PPIB: variants seen among roughly 807,000 people sequenced by gnomAD.
The protein encoded by PPIB is peptidylprolyl isomerase B.
PPIB carries 15 observed loss-of-function variants against 20.1 expected under a neutral mutation model. The observed-to-expected ratio is 0.75, with a 90% CI of 0.50 to 1.15. The LOEUF is 1.15. Among genes scored for constraint, PPIB ranks in the 50% most tolerant of loss-of-function variants. PPIB has a pLI of 0.00. For synonymous variants in PPIB, 129 were observed against 111.0 expected, an observed-to-expected ratio of 1.16 and a Z score of -1.02; for missense variants, 278 against 283.0, an observed-to-expected ratio of 0.98 and a Z score of 0.13.
At position 64,156,920 on chromosome 15, in the gene PPIB, A is replaced by G. The variant is rs535376686; in HGVS notation, c.344-11T>C. ...CGTAGATGCTCTTTCCTGGGAAAAA[A>G]GACAGAGCAGGTCAGGGGCGCTGGA... On this transcript the variant is annotated splice_polypyrimidine_tract_variant and intron_variant, in intron 3 of 4. Coordinates refer to ENST00000300026, the MANE Select transcript of PPIB (RefSeq NM_000942.5). The surrounding 1 kb of genome is among the most constrained non-coding windows in gnomAD (Gnocchi z 6.4). 1 of 1,613,950 alleles carries G rather than the reference A, an allele frequency of 6.2e-7. No homozygotes were observed. The highest frequency in any genetic ancestry group is 8.5e-7 in the Non-Finnish European group (1 of 1,179,892).
chr15:64,157,211 C>T lies in PPIB; in HGVS notation c.344-302G>A. ...TGTTATCAGCTCCCCTTAGCTATGGCCCAGGCCTGCCACGGAGGGACTTTG... is the reference window on the plus strand; with the variant it reads ...TGTTATCAGCTCCCCTTAGCTATGGTCCAGGCCTGCCACGGAGGGACTTTG... On this transcript the variant is annotated intron_variant, in intron 3 of 4. Transcript: ENST00000300026. This position sits in a 1 kb window ranked among gnomAD's most constrained non-coding sequence, Gnocchi z 4.2. 2.3e-6 allele frequency: 1 copy of T among 431,372 alleles called. No individual in the cohort carries two copies. The highest frequency in any genetic ancestry group is 4.3e-6 in the Non-Finnish European group (1 of 234,374). The allele number at this position is 431,372 out of a possible 1,614,324, so 26.7% of individuals were successfully genotyped here. A position where few individuals can be genotyped will look rare whatever the true frequency, so the allele number is the denominator to read the frequency against.
rs1012915999 is a variant in PPIB, at chr15:64,159,796, T to C, written c.343+308A>G. The C allele has an allele frequency of 1.2e-5, 6 of 486,944 alleles. No individual in the cohort carries two copies. The highest frequency in any genetic ancestry group is 3.3e-5 in the Admixed American group (1 of 30,274). The allele number at this position is 486,944 out of a possible 1,614,324, so 30.2% of individuals were successfully genotyped here. A position where few individuals can be genotyped will look rare whatever the true frequency, so the allele number is the denominator to read the frequency against. On this transcript the variant is annotated intron_variant, in intron 3 of 4. Coordinates refer to ENST00000300026, the MANE Select transcript of PPIB (RefSeq NM_000942.5). The surrounding 1 kb of genome is among the most constrained non-coding windows in gnomAD (Gnocchi z 5.1). ...TGTCTTCACTTTGCTTCCACACGCC[T>C]CTCTCCCCAATCCCCATTCTGAAGA...
rs2081557062 is a variant in PPIB, at chr15:64,160,118, C to T, written c.329G>A (p.Gly110Glu). ...CCTGTGGTTACCTCCTGTGCCATCT[C>T]CCCTGGTGAAGTCTCCGCCCTGGAT... ...FMIQGGDFTR[G>E]DGTGGKSIYG... Residue 110 changes from glycine (G) to glutamate (E), a missense_variant, in exon 3 of 5, where the codon GGA (glycine) becomes GAA (glutamate). Gly to Glu is a moderately conservative substitution (Grantham distance 98, BLOSUM62 -2). Transcript: ENST00000300026. The surrounding 1 kb of genome is among the most constrained non-coding windows in gnomAD (Gnocchi z 4.8). 6.2e-7 allele frequency: 1 copy of T among 1,613,612 alleles called. No homozygotes were observed. The highest frequency in any genetic ancestry group is 8.5e-7 in the Non-Finnish European group (1 of 1,179,468).
Position 64,161,364 on chromosome 15 carries a change from C to T in PPIB, c.249+677G>A, listed in dbSNP as rs1390091115. Among the ~76,000 whole-genome samples, 3 of 151,952 alleles carry T rather than the reference C, an allele frequency of 2.0e-5. No individual in the cohort carries two copies. The highest frequency in any genetic ancestry group is 2.9e-5 in the Non-Finnish European group (2 of 67,982). ...ACATGGCTCACTGCAACCTCCATTT[C>T]ACTTCAGCCTCCTGAGTAGCTGTAG... On this transcript the variant is annotated intron_variant, in intron 2 of 4. Transcript: ENST00000300026. This position sits in a 1 kb window ranked among gnomAD's most constrained non-coding sequence, Gnocchi z 4.2.
rs2081562177 is a variant in PPIB at position 64,161,289 on chromosome 15, T to C, written c.249+752A>G. ...TTATTTTTAATTAATTTATTTTTTT[T>C]TTGAGACAGGGTCTCACTCTATTGC... On this transcript the variant is annotated intron_variant, in intron 2 of 4. Transcript: ENST00000300026. The surrounding 1 kb of genome is among the most constrained non-coding windows in gnomAD (Gnocchi z 4.2). 6.6e-6 allele frequency among the ~76,000 whole-genome samples: 1 copy of C among 151,978 alleles called. No individual in the cohort carries two copies. Among genetic ancestry groups the C allele is most frequent in the Non-Finnish European group, 1.5e-5 (1 of 67,994 alleles).
chr15:64,160,163 C>T lies in PPIB; in HGVS notation c.284G>A (p.Arg95His), dbSNP rs771584197. ...GFGYKNSKFH[R>H]VIKDFMIQGG... is the part of the protein sequence containing the mutation. ...CTGGATCATGAAGTCCTTGATTACA[C>T]GATGGAATTTGCTGTTTTTGTAGCC... Residue 95 changes from arginine (R) to histidine (H), a missense_variant, in exon 3 of 5, where the codon CGT becomes CAT. Transcript: ENST00000300026. This position sits in a 1 kb window ranked among gnomAD's most constrained non-coding sequence, Gnocchi z 4.8. The T allele has an allele frequency of 1.7e-5, 27 of 1,614,096 alleles. No individual in the cohort carries two copies. The highest frequency in any genetic ancestry group is 4.5e-5 in the East Asian group (2 of 44,886).
intron 1 of PPIB, 54 bp from the exon 2 acceptor site, chr15:64,162,208 G>T: frequency 1.5e-6 from 2 of 1,334,190 alleles, no homozygotes; most frequent in Admixed American, 1.7e-5. Flanking sequence ...GTTGCTAGGG[G>T]AGGGAAGGTA....
Position 64,161,081 on chromosome 15 carries a change from C to A in PPIB, c.250-884G>T, listed in dbSNP as rs755298567. Among the ~76,000 whole-genome samples, 1 of 152,032 alleles carries A rather than the reference C, an allele frequency of 6.6e-6. No homozygotes were observed. The highest frequency in any genetic ancestry group is 1.5e-5 in the Non-Finnish European group (1 of 68,012). ...GTTCAACAAATTCTCCTGCCTCAGC[C>A]TCCCAAGTAGCTGGAATTACAGGCG... On this transcript the variant is annotated intron_variant, in intron 2 of 4. Coordinates refer to ENST00000300026, the MANE Select transcript of PPIB (RefSeq NM_000942.5). The surrounding 1 kb of genome is among the most constrained non-coding windows in gnomAD (Gnocchi z 4.2).
rs1183732146 is a variant in PPIB, at chr15:64,162,781, T to TGAGCCAAGGCC, written c.135+60_135+70dup. ...AGACAGAAGCCGAGGGAGGAGGGGC[T>TGAGCCAAGGCC]GAGCCAAGGCCAAGCCAAGGCCGCC... On this transcript the variant is annotated intron_variant, in intron 1 of 4. Transcript: ENST00000300026. 55 of 1,568,802 alleles carry TGAGCCAAGGCC rather than the reference T, an allele frequency of 3.5e-5. 1 individual carries two copies. Among genetic ancestry groups the TGAGCCAAGGCC allele is most frequent in the African/African-American group, 2.6e-4 (19 of 73,868 alleles).
Position 64,160,163 on chromosome 15 carries a change from C to A in PPIB, c.284G>T (p.Arg95Leu). Residue 95 changes from arginine to leucine, a missense_variant, in exon 3 of 5, where the codon CGT becomes CTT. Arg to Leu is a moderately radical substitution (Grantham distance 102). Transcript: ENST00000300026. This position sits in a 1 kb window ranked among gnomAD's most constrained non-coding sequence, Gnocchi z 4.8. ...GFGYKNSKFH[R>L]VIKDFMIQGG... is the part of the protein sequence containing the mutation. The stretch of plus-strand genomic sequence containing the variant: ...CTGGATCATGAAGTCCTTGATTACA[C>A]GATGGAATTTGCTGTTTTTGTAGCC... 6.2e-7 allele frequency: 1 copy of A among 1,614,096 alleles called. No homozygotes were observed. Among genetic ancestry groups the A allele is most frequent in the Non-Finnish European group, 8.5e-7 (1 of 1,179,962 alleles).
Position 64,162,906 on chromosome 15 carries a change from C to A in PPIB, c.81G>T (p.Leu27=). 6.2e-7 allele frequency: 1 copy of A among 1,613,352 alleles called. No individual in the cohort carries two copies. Among genetic ancestry groups the A allele is most frequent in the South Asian group, 1.1e-5 (1 of 90,938 alleles). ...TCTCATCGGCCGCAGAAGGTCCCGG[C>A]AGCAGCAGGAAGAAGACGGACCCCG... ...LIAGSVFFLL[L]PGPSAADEKK... is the part of the protein sequence containing the mutation. The change falls in exon 1 of 5, where the codon CTG becomes CTT. Residue 27 remains leucine, a synonymous_variant. Coordinates refer to ENST00000300026, the MANE Select transcript of PPIB (RefSeq NM_000942.5).
In PPIB at chr15:64,155,917, G is replaced by A; in HGVS notation, c.*106C>T. ...GGGCCTGTGGAATGTGAGGGGAGTGGGTCCGCTCCACCAGATGCCAGCACC... is the reference window on the plus strand; with the variant it reads ...GGGCCTGTGGAATGTGAGGGGAGTGAGTCCGCTCCACCAGATGCCAGCACC... On this transcript the variant is annotated 3_prime_UTR_variant, in exon 5 of 5. Coordinates refer to ENST00000300026, the MANE Select transcript of PPIB (RefSeq NM_000942.5). 1 of 1,552,292 alleles carries A rather than the reference G, an allele frequency of 6.4e-7. No homozygotes were observed. Among genetic ancestry groups the A allele is most frequent in the Non-Finnish European group, 8.8e-7 (1 of 1,131,072 alleles).
chr15:64,162,334 C>T (rs2081567726), intron 1 of PPIB, among the ~76,000 whole-genome samples, 180 bp from the exon 2 acceptor site: 1 of 152,172 alleles, frequency 6.6e-6, no homozygotes, highest in Non-Finnish European at 1.5e-5. Flanking sequence ...AAGCTCCAGA[C>T]CCTTTTCTTG....
In PPIB at chr15:64,156,829, TGGCCATGCTC is replaced by T. The variant is rs137853868; in HGVS notation, c.414_423del (p.Ser139ThrfsTer21). The stretch of plus-strand genomic sequence containing the variant: ...GAGCCGTTGGTGTCTTTGCCTGCGT[TGGCCATGCTC>T]ACCCAGCCAGGCCCGTAGTGCTTCA... On this transcript the variant is annotated frameshift_variant, in exon 4 of 5. Coordinates refer to ENST00000300026, the MANE Select transcript of PPIB (RefSeq NM_000942.5). LOFTEE classifies it high-confidence loss of function. The surrounding 1 kb of genome is among the most constrained non-coding windows in gnomAD (Gnocchi z 6.4). The T allele has an allele frequency of 1.2e-6, 2 of 1,614,218 alleles. No homozygotes were observed. Among genetic ancestry groups the T allele is most frequent in the Admixed American group, 3.3e-5 (2 of 60,036 alleles).
Position 64,160,218 on chromosome 15 carries a change from G to T in PPIB, c.250-21C>A. The T allele has an allele frequency of 6.3e-7, 1 of 1,581,784 alleles. No homozygotes were observed. The highest frequency in any genetic ancestry group is 8.7e-7 in the Non-Finnish European group (1 of 1,150,564). ...CCTTTCTAGAAAAAGGGAAGAGAAG[G>T]TAAGGAGGTGGTATGGGGCAGCAGG... On this transcript the variant is annotated intron_variant, in intron 2 of 4. Transcript: ENST00000300026. This position sits in a 1 kb window ranked among gnomAD's most constrained non-coding sequence, Gnocchi z 4.8.
chr15:64,160,155 T>G lies in PPIB; in HGVS notation c.292A>C (p.Lys98Gln). ...YKNSKFHRVIKDFMIQGGDFT... is the reference protein window; with the variant it reads ...YKNSKFHRVIQDFMIQGGDFT... ...TCTCCGCCCTGGATCATGAAGTCCT[T>G]GATTACACGATGGAATTTGCTGTTT... is the stretch of plus-strand genomic sequence containing the variant. Residue 98 changes from lysine to glutamine, a missense_variant, in exon 3 of 5, where the codon AAG (lysine) becomes CAG (glutamine). Physicochemically the swap from Lys to Gln is moderately conservative, Grantham distance 53. Coordinates refer to ENST00000300026, the MANE Select transcript of PPIB (RefSeq NM_000942.5). This position sits in a 1 kb window ranked among gnomAD's most constrained non-coding sequence, Gnocchi z 4.8. The G allele has an allele frequency of 6.2e-7, 1 of 1,614,152 alleles. No individual in the cohort carries two copies. The highest frequency in any genetic ancestry group is 8.5e-7 in the Non-Finnish European group (1 of 1,179,978).
In PPIB at chr15:64,160,060, A is replaced by C. The variant is rs749546421; in HGVS notation, c.343+44T>G. ...GCAGAACCTGGCCCTCCCACTGTGG[A>C]GGCTACACTGACATACTCCTTGGCC... On this transcript the variant is annotated intron_variant, in intron 3 of 4. Transcript: ENST00000300026. This position sits in a 1 kb window ranked among gnomAD's most constrained non-coding sequence, Gnocchi z 4.8. The C allele has an allele frequency of 6.6e-7, 1 of 1,519,624 alleles. No homozygotes were observed. The highest frequency in any genetic ancestry group is 1.4e-5 in the African/African-American group (1 of 72,718). 94.1% of individuals were successfully genotyped at this position (1,519,624 alleles called of 1,614,324 possible).
At position 64,161,782 on chromosome 15, in the gene PPIB, T is replaced by A. The variant is rs1431801577; in HGVS notation, c.249+259A>T. On this transcript the variant is annotated intron_variant, in intron 2 of 4. Transcript: ENST00000300026. The surrounding 1 kb of genome is among the most constrained non-coding windows in gnomAD (Gnocchi z 4.2). ...CAGGGTCTTGCTATGTTGCTCAGGT[T>A]GGCCTTGAACTCCTGGGCTCAAGCA... is the stretch of plus-strand genomic sequence containing the variant. 6.6e-6 allele frequency among the ~76,000 whole-genome samples: 1 copy of A among 152,060 alleles called. No homozygotes were observed. The highest frequency in any genetic ancestry group is 1.5e-5 in the Non-Finnish European group (1 of 68,016).
chr15:64,156,904 T>A lies in PPIB; in HGVS notation c.349A>T (p.Ser117Cys). ...TCGGGGAAGCGCTCACCGTAGATGC[T>A]CTTTCCTGGGAAAAAAGACAGAGCA... ...FTRGDGTGGK[S>C]IYGERFPDEN... is the part of the protein sequence containing the mutation. The change falls in exon 4 of 5, where the codon AGC (serine) becomes TGC (cysteine). Residue 117 changes from serine to cysteine, a missense_variant. Coordinates refer to ENST00000300026, the MANE Select transcript of PPIB (RefSeq NM_000942.5). The surrounding 1 kb of genome is among the most constrained non-coding windows in gnomAD (Gnocchi z 6.4). The A allele has an allele frequency of 6.2e-7, 1 of 1,614,054 alleles. No individual in the cohort carries two copies. Among genetic ancestry groups the A allele is most frequent in the Non-Finnish European group, 8.5e-7 (1 of 1,179,964 alleles).
Sources: gnomAD v4.1 joint callset for allele counts (sites outside exome capture counted in the v4.1 genomes callset) on GRCh38, gnomAD v4.1.1 for gene constraint, Gnocchi (gnomAD v3.1) non-coding constraint, MANE v1.5 for transcripts, NCBI Gene and HGNC (gene_info 2026-07-23, HGNC 2026-07-21) for gene names.